Variants in CLCN5 observed in about 807,000 individuals in gnomAD.
CLCN5 encodes the protein Cl-/H+ antiporter 5, also known as H(+)/Cl(-) exchange transporter 5.
Under a neutral mutation model 54.0 loss-of-function variants are expected in CLCN5, and 17 were observed. That is an observed-to-expected ratio of 0.31 (90% CI 0.22 to 0.47). CLCN5 has a LOEUF of 0.47. CLCN5 is among the 20% of genes least tolerant of loss of function. CLCN5 has a pLI of 1.00. For synonymous variants in CLCN5, 222 were observed against 233.0 expected (o/e 0.95, Z 0.43); for missense variants, 448 against 646.7 (o/e 0.69, Z 3.33).
intron 4 of CLCN5, 127 bp from the exon 5 acceptor site, chrX:50,069,752 T>C: frequency 9.3e-7 from 1 of 1,072,627 alleles, no homozygotes; most frequent in Non-Finnish European, 1.2e-6. Context: ...CAGGTGACTG[T>C]ATTTCTTTAT....
intron 3 of CLCN5, among the ~76,000 whole-genome samples, chrX:49,936,341 A>G (rs1245387162): frequency 1.8e-5 from 2 of 111,441 alleles, no homozygotes; most frequent in African/African-American, 6.5e-5. Context: ...ATTTTGTGGC[A>G]CTCCTGGTGT....
intron 3 of CLCN5, among the ~76,000 whole-genome samples, chrX:49,966,605 T>TTTTA (rs1927886288): frequency 5.1e-5 from 1 of 19,662 alleles, no homozygotes; most frequent in Non-Finnish European, 7.9e-5. Flanking sequence ...TTTTTTTTTT[T>TTTTA]TTTTTTATTT....
Position 50,094,264 on chromosome X carries a change from C to T in CLCN5, c.*2045C>T, listed in dbSNP as rs1934193040. ...TTTAATGAAAAAGAAAAAAATCTTT[C>T]TGGGGTATGTTGTATCATAGTAATG... On this transcript the variant is annotated 3_prime_UTR_variant, in exon 15 of 15. Coordinates refer to ENST00000376091, the MANE Select transcript of CLCN5 (RefSeq NM_001127898.4). The T allele has an allele frequency of 9.0e-6, 1 of 111,633 alleles. No homozygotes were observed. Among genetic ancestry groups the T allele is most frequent in the Non-Finnish European group, 1.9e-5 (1 of 53,143 alleles). 9.2% of individuals were successfully genotyped at this position (111,633 alleles called of 1,213,427 possible).
rs1602122000 is a variant in CLCN5, at chrX:50,080,795, A to G, written c.726+79A>G. Reference sequence around the variant, plus strand: ...AAAATCTCTTAATATGTATTCCAGCACATACCACAATTTGATGAATGTTAA... The same window carrying G: ...AAAATCTCTTAATATGTATTCCAGCGCATACCACAATTTGATGAATGTTAA... On this transcript the variant is annotated intron_variant, in intron 8 of 14. Coordinates refer to ENST00000376091, the MANE Select transcript of CLCN5 (RefSeq NM_001127898.4). The G allele has an allele frequency of 1.2e-5, 10 of 825,263 alleles. No individual in the cohort carries two copies. In the East Asian group the frequency reaches 3.1e-4, roughly 26 times the overall value. The allele number at this position is 825,263 out of a possible 1,213,427, so 68.0% of individuals were successfully genotyped here.
chrX:49,958,461 G>T (rs184161652), intron 3 of CLCN5, among the ~76,000 whole-genome samples: 2 of 111,656 alleles, frequency 1.8e-5, no homozygotes, highest in East Asian at 5.6e-4. Flanking sequence ...CATTACCTCA[G>T]TCTATGATTC....
At chrX:49,949,608 A>T (rs782157565) in intron 3 of CLCN5, among the ~76,000 whole-genome samples, 3 of 111,608 alleles carry the variant, frequency 2.7e-5, no homozygotes, top group Non-Finnish European at 5.6e-5. Context: ...TTTCAAGGGG[A>T]ACTTACCGCC....
chrX:49,933,790 T>G (rs2147258355), intron 3 of CLCN5, among the ~76,000 whole-genome samples: 1 of 112,331 alleles, frequency 8.9e-6, no homozygotes, highest in East Asian at 2.8e-4. Context: ...TGATAATATT[T>G]ACTGCACGTG....
At position 50,096,031 on chromosome X, in the gene CLCN5, A is replaced by G. The variant is rs1237845213; in HGVS notation, c.*3812A>G. 1 of 111,830 alleles carries G rather than the reference A, an allele frequency of 8.9e-6. No individual in the cohort carries two copies. The highest frequency in any genetic ancestry group is 3.3e-5 in the African/African-American group (1 of 30,751). The allele number at this position is 111,830 out of a possible 1,213,427, so 9.2% of individuals were successfully genotyped here. ...ATGGTGAGAACTTGAAACAGCCAGC[A>G]TATTTTATATTGCCAAAGTACTTAC... On this transcript the variant is annotated 3_prime_UTR_variant, in exon 15 of 15. Coordinates refer to ENST00000376091, the MANE Select transcript of CLCN5 (RefSeq NM_001127898.4).
Position 50,028,212 on chromosome X carries a change from T to C in CLCN5, c.17-14104T>C, listed in dbSNP as rs782740403. ...GAGATAGAATTAGATACTGACTTTT[T>C]CCCAAGTTGATTAGGCCCTGGTAAA... is the stretch of plus-strand genomic sequence containing the variant. On this transcript the variant is annotated intron_variant, in intron 3 of 14. Transcript: ENST00000376091. 9.8e-4 allele frequency among the ~76,000 whole-genome samples: 110 copies of C among 111,912 alleles called. 1 individual carries two copies. Among genetic ancestry groups the C allele is most frequent in the Non-Finnish European group, 1.8e-3 (95 of 53,156 alleles).
chrX:50,068,353 C>T (rs1557191147), intron 4 of CLCN5, among the ~76,000 whole-genome samples: 2 of 111,166 alleles, frequency 1.8e-5, no homozygotes, highest in Admixed American at 1.9e-4. Context: ...ATGACACTGA[C>T]ATGATAGGAA....
intron 3 of CLCN5, among the ~76,000 whole-genome samples, chrX:49,931,618 G>A (rs1410391557): frequency 8.1e-5 from 9 of 111,378 alleles, no homozygotes; most frequent in Non-Finnish European, 1.7e-4. Context: ...AGCTGGGTGT[G>A]GTGGCTTACA....
At chrX:50,086,945 C>T in intron 11 of CLCN5, 75 bp downstream of exon 11, 1 of 949,229 alleles carries the variant, frequency 1.1e-6, no homozygotes. Flanking sequence ...AGGTATCATA[C>T]AATCCTGATA....
intron 3 of CLCN5, among the ~76,000 whole-genome samples, chrX:50,015,652 CCCATCCTT>C (rs1164419321): frequency 1.8e-5 from 2 of 109,812 alleles, no homozygotes; most frequent in Non-Finnish European, 3.8e-5. Context: ...CTCCCCTCCT[CCCATCCTT>C]AGCGCCTGAG....
chrX:49,998,137 C>T (rs2147370478), intron 3 of CLCN5, among the ~76,000 whole-genome samples: 1 of 111,199 alleles, frequency 9.0e-6, no homozygotes, highest in Admixed American at 9.5e-5. Flanking sequence ...ATCCTTGCAA[C>T]AACCCTAAGA....
At chrX:50,050,657 C>CTTTTTTT (rs1161956431) in intron 4 of CLCN5, among the ~76,000 whole-genome samples, 3 of 61,270 alleles carry the variant, frequency 4.9e-5, no homozygotes, top group African/African-American at 1.5e-4. Flanking sequence ...GTCTTCTTGG[C>CTTTTTTT]TTTTTTTTTT....
chrX:49,971,266 T>TTATATATATTATTTATATATATTTATA (rs1208508393), intron 3 of CLCN5, among the ~76,000 whole-genome samples: 34 of 104,042 alleles, frequency 3.3e-4, no homozygotes, highest in Non-Finnish European at 5.6e-4. Flanking sequence ...ATATATATTT[T>TTATATATATTATTTATATATATTTATA]TATATATATT....
chrX:49,940,426 T>A (rs781966744), intron 3 of CLCN5, among the ~76,000 whole-genome samples: 1 of 112,058 alleles, frequency 8.9e-6, no homozygotes, highest in East Asian at 2.8e-4. Flanking sequence ...TGCATGGTCT[T>A]CCTCAGATGC....
rs140704544 is a variant in CLCN5, at chrX:50,016,019, T to C, written c.17-26297T>C. On this transcript the variant is annotated intron_variant, in intron 3 of 14. Transcript: ENST00000376091. Reference sequence around the variant, plus strand: ...TGTATACTCTAAAATCTCATTTTGGTTACTGCTCAGCCTTAGTCTTATTTT... The same window carrying C: ...TGTATACTCTAAAATCTCATTTTGGCTACTGCTCAGCCTTAGTCTTATTTT... 2.3e-4 allele frequency among the ~76,000 whole-genome samples: 26 copies of C among 111,586 alleles called. No individual in the cohort carries two copies. In the East Asian group the frequency reaches 7.0e-3, roughly 30 times the overall value.
At chrX:49,989,477 T>G (rs781815318) in intron 3 of CLCN5, among the ~76,000 whole-genome samples, 2 of 112,345 alleles carry the variant, frequency 1.8e-5, no homozygotes, top group Non-Finnish European at 3.8e-5. Flanking sequence ...ATGAATCTTC[T>G]ATCCAAATAA....
Sources: gnomAD v4.1 joint callset for allele counts (sites outside exome capture counted in the v4.1 genomes callset) on GRCh38, gnomAD v4.1.1 for gene constraint, MANE v1.5 for transcripts, NCBI Gene and HGNC (gene_info 2026-07-23, HGNC 2026-07-21) for gene names.